Variants in KIF16B observed in about 807,000 individuals in gnomAD.
KIF16B encodes kinesin-like protein KIF16B.
Under a neutral mutation model 156.3 loss-of-function variants are expected in KIF16B, and 98 were observed. That is an observed-to-expected ratio of 0.63 (90% CI 0.53 to 0.74). KIF16B has a LOEUF of 0.74. KIF16B is among the 30% of genes least tolerant of loss of function. The probability of loss-of-function intolerance (pLI) is 0.00; values close to 1 mark genes in which losing one functional copy is unlikely to be tolerated. For missense variants in KIF16B, 1,421 were observed against 1,606.5 expected, an observed-to-expected ratio of 0.88 and a Z score of 1.97; for synonymous variants, 564 against 583.7, an observed-to-expected ratio of 0.97 and a Z score of 0.49.
At chr20:16,535,640 C>A (rs967403429) in intron 1 of KIF16B, among the ~76,000 whole-genome samples, 1 of 152,012 alleles carries the variant, frequency 6.6e-6, no homozygotes, top group Non-Finnish European at 1.5e-5. Context: ...CATATATAGT[C>A]TTTATTATTT....
chr20:16,410,012 T>TAGGTACATATATATATGC, intron 15 of KIF16B, among the ~76,000 whole-genome samples: 2 of 114,620 alleles, frequency 1.7e-5, no homozygotes, highest in Non-Finnish European at 3.5e-5. Flanking sequence ...TATATATATG[T>TAGGTACATATATATATGC]AGGTACATAT....
At chr20:16,329,043 C>T (rs1007197622) in intron 24 of KIF16B, among the ~76,000 whole-genome samples, 17 of 152,154 alleles carry the variant, frequency 1.1e-4, no homozygotes, top group Admixed American at 3.9e-4. Context: ...TTAAAAAAAT[C>T]AGACAGGAGT....
chr20:16,464,200 ATAAT>A (rs1426335057), intron 12 of KIF16B, among the ~76,000 whole-genome samples: 1 of 152,224 alleles, frequency 6.6e-6, no homozygotes, highest in Non-Finnish European at 1.5e-5. Flanking sequence ...ATTTTTAAAA[ATAAT>A]TAGAGCCTCA....
chr20:16,350,361 G>A (rs1399218043), intron 23 of KIF16B, among the ~76,000 whole-genome samples: 1 of 152,206 alleles, frequency 6.6e-6, no homozygotes, highest in Non-Finnish European at 1.5e-5. Context: ...AGAGCAAGGG[G>A]CTGGAGGGTG....
chr20:16,289,711 G>A (rs1414236284), intron 25 of KIF16B, among the ~76,000 whole-genome samples: 2 of 152,108 alleles, frequency 1.3e-5, no homozygotes, highest in Non-Finnish European at 2.9e-5. Context: ...CGCAGTGGCG[G>A]GCGCCTGTAC....
chr20:16,379,030 T>C lies in KIF16B; in HGVS notation c.2972A>G (p.Lys991Arg). 1 of 1,611,084 alleles carries C rather than the reference T, an allele frequency of 6.2e-7. No individual in the cohort carries two copies. ...RQEEKVRKKE[K>R]EILESREKQQ... ...CTTCTCTCTGGACTCCAAAATCTCC[T>C]TTTCCTTTTTCCTCACTTTTTCCTC... The change falls in exon 19 of 26, where the codon AAG (lysine) becomes AGG (arginine). Residue 991 changes from lysine (K) to arginine (R), a missense_variant. Lys to Arg is a conservative substitution (Grantham distance 26). Transcript: ENST00000354981.
intron 12 of KIF16B, among the ~76,000 whole-genome samples, chr20:16,490,519 C>T (rs1237212509): frequency 6.6e-6 from 1 of 152,014 alleles, no homozygotes; most frequent in East Asian, 1.9e-4. Flanking sequence ...CCAGCCTGGG[C>T]AACAAAAGCA....
chr20:16,364,803 T>G (rs1226433614), intron 22 of KIF16B, among the ~76,000 whole-genome samples: 1 of 152,228 alleles, frequency 6.6e-6, no homozygotes, highest in African/African-American at 2.4e-5. Flanking sequence ...AACATGATCC[T>G]CATTGTGGCC....
At chr20:16,564,219 A>C (rs897806833) in intron 1 of KIF16B, among the ~76,000 whole-genome samples, 1 of 152,172 alleles carries the variant, frequency 6.6e-6, no homozygotes, top group Non-Finnish European at 1.5e-5. Context: ...TTTGCTGAGA[A>C]TGATGGTTTC....
At chr20:16,403,018 G>C (rs1568939729) in intron 17 of KIF16B, among the ~76,000 whole-genome samples, 1 of 152,222 alleles carries the variant, frequency 6.6e-6, no homozygotes, top group Non-Finnish European at 1.5e-5. Flanking sequence ...GTGACCCTGT[G>C]CTCAAAGGAA....
intron 1 of KIF16B, among the ~76,000 whole-genome samples, chr20:16,556,674 C>T (rs2070861873): frequency 6.6e-6 from 1 of 152,146 alleles, no homozygotes; most frequent in Admixed American, 6.5e-5. Context: ...CTATTCTGGG[C>T]CCACAGACCT....
chr20:16,390,179 G>T (rs2065330721), intron 17 of KIF16B, among the ~76,000 whole-genome samples: 1 of 152,142 alleles, frequency 6.6e-6, no homozygotes, highest in Non-Finnish European at 1.5e-5. Flanking sequence ...TTTCCAAATT[G>T]CTGGTCTAGA....
intron 23 of KIF16B, among the ~76,000 whole-genome samples, chr20:16,336,725 C>T (rs2064044946): frequency 6.6e-6 from 1 of 152,206 alleles, no homozygotes; most frequent in Non-Finnish European, 1.5e-5. Flanking sequence ...TCAAAGCATT[C>T]TACCACCACC....
At chr20:16,515,757 C>T (rs912832984) in intron 3 of KIF16B, 93 bp from the exon 4 acceptor site, 3 of 710,718 alleles carry the variant, frequency 4.2e-6, no homozygotes, top group Non-Finnish European at 7.4e-6. Context: ...ATGATACTTT[C>T]AGCTCTTAAG....
chr20:16,564,541 T>C (rs1352803993), intron 1 of KIF16B, among the ~76,000 whole-genome samples: 1 of 151,916 alleles, frequency 6.6e-6, no homozygotes, highest in African/African-American at 2.4e-5. Flanking sequence ...AGGGATAGCA[T>C]TAGGAGATAT....
chr20:16,301,037 C>G (rs935695527), intron 25 of KIF16B, among the ~76,000 whole-genome samples: 1 of 152,168 alleles, frequency 6.6e-6, no homozygotes, highest in African/African-American at 2.4e-5. Context: ...CTTTTATTGT[C>G]TTATTAGTTG....
intron 24 of KIF16B, among the ~76,000 whole-genome samples, chr20:16,323,404 A>T (rs2063798985): frequency 1.3e-5 from 2 of 151,958 alleles, no homozygotes; most frequent in South Asian, 4.1e-4. Context: ...AGCTCATCAA[A>T]AGGCTCCATA....
intron 25 of KIF16B, 47 bp downstream of exon 25, chr20:16,312,287 TG>T: frequency 7.5e-7 from 1 of 1,331,206 alleles, no homozygotes; most frequent in Non-Finnish European, 1.1e-6. Flanking sequence ...ACCGGTCAGA[TG>T]GTACATTTTC....
At chr20:16,514,909 A>G (rs6135779) in intron 4 of KIF16B, among the ~76,000 whole-genome samples, 32,385 of 143,718 alleles carry the variant, frequency 0.23, 4,633 homozygotes, top group East Asian at 0.35. Context: ...AAAAAAAAAA[A>G]AAAAAGAAAA....
Sources: gnomAD v4.1 joint callset for allele counts (sites outside exome capture counted in the v4.1 genomes callset) on GRCh38, gnomAD v4.1.1 for gene constraint, MANE v1.5 for transcripts, NCBI Gene and HGNC (gene_info 2026-07-23, HGNC 2026-07-21) for gene names.